The following WDFY2 variants were observed in gnomAD, a reference collection of about 807,000 sequenced individuals.
WDFY2 encodes WD repeat and FYVE domain-containing protein 2.
Under a neutral mutation model 56.4 loss-of-function variants are expected in WDFY2, and 36 were observed. The ratio of observed to expected loss-of-function variants is 0.64; its 90% confidence interval spans 0.49 to 0.84. The LOEUF (loss-of-function observed/expected upper bound fraction) is 0.84, where lower values mean the gene tolerates loss of function less well. Ranked by LOEUF, WDFY2 falls within the 40% of genes least tolerant of loss-of-function variation. The pLI, the probability that WDFY2 is intolerant of heterozygous loss-of-function variation, is 0.00. For missense variants in WDFY2, 444 were observed against 512.2 expected (o/e 0.87, Z 1.29); for synonymous variants, 176 against 183.7 (o/e 0.96, Z 0.34).
At chr13:51,611,923 A>G (rs753846521) in intron 1 of WDFY2, among the ~76,000 whole-genome samples, 1 of 152,182 alleles carries the variant, frequency 6.6e-6, no homozygotes, top group African/African-American at 2.4e-5. Flanking sequence ...TCATGCGCAC[A>G]TAAGGAAAGG....
intron 2 of WDFY2, among the ~76,000 whole-genome samples, chr13:51,670,489 GCACACACACACACACACACACACA>G (rs55984632): frequency 1.5e-5 from 2 of 131,420 alleles, no homozygotes; most frequent in African/African-American, 5.8e-5. Flanking sequence ...GTGCGCACAT[GCACACACACACACACACACACACA>G]CACACACACA....
chr13:51,634,746 A>G (rs1955013786), intron 1 of WDFY2, among the ~76,000 whole-genome samples: 1 of 151,738 alleles, frequency 6.6e-6, no homozygotes, highest in Non-Finnish European at 1.5e-5. Context: ...TATATTCAGT[A>G]CCAGGAAAGA....
chr13:51,595,719 G>A (rs1289271362), intron 1 of WDFY2, among the ~76,000 whole-genome samples: 3 of 152,186 alleles, frequency 2.0e-5, no homozygotes, highest in Admixed American at 6.5e-5. Context: ...TCAAAAGATA[G>A]CCAGAAAGCT....
At chr13:51,661,164 T>C (rs1283830696) in intron 2 of WDFY2, among the ~76,000 whole-genome samples, 1 of 152,246 alleles carries the variant, frequency 6.6e-6, no homozygotes, top group Non-Finnish European at 1.5e-5. Flanking sequence ...CTGAGAATTA[T>C]GTCCTTGCAC....
chr13:51,584,591 A>G lies in WDFY2; in HGVS notation c.-97A>G, dbSNP rs938702894. 7.0e-7 allele frequency: 1 copy of G among 1,428,234 alleles called. No homozygotes were observed. Among genetic ancestry groups the G allele is most frequent in the African/African-American group, 1.4e-5 (1 of 69,766 alleles). The allele number at this position is 1,428,234 out of a possible 1,614,324, so 88.5% of individuals were successfully genotyped here. A position where few individuals can be genotyped will look rare whatever the true frequency, so the allele number is the denominator to read the frequency against. Reference sequence around the variant, plus strand: ...CCGGCGTTCCGCTCCGGCCAGCCAGAGTCTCTGTCTCAACCTGTGTCCGTG... The same window carrying G: ...CCGGCGTTCCGCTCCGGCCAGCCAGGGTCTCTGTCTCAACCTGTGTCCGTG... On this transcript the variant is annotated 5_prime_UTR_variant, in exon 1 of 12. Transcript: ENST00000298125.
intron 1 of WDFY2, among the ~76,000 whole-genome samples, chr13:51,636,540 G>A (rs1955056303): frequency 6.6e-6 from 1 of 152,146 alleles, no homozygotes; most frequent in South Asian, 2.1e-4. Context: ...CCGGGGTCAG[G>A]TATGGAAAGT....
intron 3 of WDFY2, among the ~76,000 whole-genome samples, chr13:51,681,734 G>C (rs980184085): frequency 2.0e-5 from 3 of 152,130 alleles, no homozygotes; most frequent in Non-Finnish European, 4.4e-5. Flanking sequence ...GTGGAGCTAT[G>C]CTTAGCAGGA....
At chr13:51,724,473 G>A (rs1292610914) in intron 5 of WDFY2, among the ~76,000 whole-genome samples, 2 of 152,108 alleles carry the variant, frequency 1.3e-5, no homozygotes, top group Non-Finnish European at 2.9e-5. Context: ...TCCTGACCTC[G>A]TGATCCGACC....
intron 1 of WDFY2, among the ~76,000 whole-genome samples, chr13:51,627,209 A>T (rs1248411211): frequency 2.6e-5 from 4 of 152,144 alleles, no homozygotes; most frequent in African/African-American, 4.8e-5. Context: ...TCACAGCCCT[A>T]GCTTGGGGAG....
chr13:51,755,241 C>A, intron 8 of WDFY2, 117 bp from the exon 9 acceptor site: 1 of 931,732 alleles, frequency 1.1e-6, no homozygotes, highest in Non-Finnish European at 1.7e-6. Flanking sequence ...ACTGAGAAAT[C>A]ACACCTCTGT....
intron 5 of WDFY2, among the ~76,000 whole-genome samples, chr13:51,724,948 A>G (rs1019280777): frequency 2.6e-5 from 4 of 152,166 alleles, no homozygotes; most frequent in African/African-American, 9.7e-5. Context: ...TCTCAAGTTC[A>G]TCTTGTACTT....
At chr13:51,700,692 G>T (rs371398551) in intron 3 of WDFY2, among the ~76,000 whole-genome samples, 1 of 152,238 alleles carries the variant, frequency 6.6e-6, no homozygotes, top group Non-Finnish European at 1.5e-5. Flanking sequence ...ATGGTCAGGC[G>T]TGGTGGCTCA....
Position 51,727,735 on chromosome 13 carries a change from C to A in WDFY2, c.543C>A (p.Ile181=). Residue 181 remains isoleucine, a synonymous_variant, in exon 6 of 12, where the codon ATC becomes ATA. Coordinates refer to ENST00000298125, the MANE Select transcript of WDFY2 (RefSeq NM_052950.4). ...FIGDHSGQVT[I]LKLEQENCTL... ...GTGACCACTCAGGCCAAGTAACAAT[C>A]CTCAAACTGGAGCAAGAAAACTGCA... 6.2e-7 allele frequency: 1 copy of A among 1,614,162 alleles called. No homozygotes were observed. The highest frequency in any genetic ancestry group is 8.5e-7 in the Non-Finnish European group (1 of 1,180,040).
Position 51,719,268 on chromosome 13 carries a change from C to T in WDFY2, c.405C>T (p.Asp135=), listed in dbSNP as rs114786928. 1.5e-3 allele frequency: 2,480 copies of T among 1,614,144 alleles called. 29 individuals carry two copies. The African/African-American group carries it at 0.029, about 19-fold the overall frequency. ...AGTGGGTGCTGAGCACAGGACAGGA[C>T]AAGCAATTTGCCTGGCACTGCTCTG... ...ELEWVLSTGQ[D]KQFAWHCSES... Residue 135 remains aspartate, a synonymous_variant, in exon 5 of 12, where the codon GAC becomes GAT. Coordinates refer to ENST00000298125, the MANE Select transcript of WDFY2 (RefSeq NM_052950.4).
At chr13:51,689,162 G>T (rs1443703129) in intron 3 of WDFY2, among the ~76,000 whole-genome samples, 1 of 152,134 alleles carries the variant, frequency 6.6e-6, no homozygotes, top group Non-Finnish European at 1.5e-5. Flanking sequence ...CCATCCTCTT[G>T]GGAGGGATAT....
At chr13:51,758,343 A>C in intron 11 of WDFY2, 43 bp downstream of exon 11, 4 of 1,432,874 alleles carry the variant, frequency 2.8e-6, no homozygotes, top group Non-Finnish European at 3.9e-6. Context: ...CTTTGGCCTC[A>C]TATAAATATA....
chr13:51,619,043 C>T (rs1954676737), intron 1 of WDFY2, among the ~76,000 whole-genome samples: 2 of 152,202 alleles, frequency 1.3e-5, no homozygotes, highest in Non-Finnish European at 2.9e-5. Flanking sequence ...TGCAGAGCTC[C>T]AAGTAGGAAA....
At chr13:51,591,208 T>G (rs986567274) in intron 1 of WDFY2, 1 of 152,206 alleles carries the variant, frequency 6.6e-6, no homozygotes, top group Non-Finnish European at 1.5e-5. Context: ...AAATCTCAAG[T>G]GGAGGAAAGC....
At chr13:51,593,383 G>A (rs967081554) in intron 1 of WDFY2, among the ~76,000 whole-genome samples, 1 of 152,018 alleles carries the variant, frequency 6.6e-6, no homozygotes, top group Non-Finnish European at 1.5e-5. Flanking sequence ...TTTATAAATT[G>A]TTATACATAT....
Sources: gnomAD v4.1 joint callset for allele counts (sites outside exome capture counted in the v4.1 genomes callset) on GRCh38, gnomAD v4.1.1 for gene constraint, MANE v1.5 for transcripts, NCBI Gene and HGNC (gene_info 2026-07-23, HGNC 2026-07-21) for gene names.